The following ADAM2 variants were observed in gnomAD, a reference collection of about 807,000 sequenced individuals.
ADAM2 encodes the protein disintegrin and metalloproteinase domain-containing protein 2.
Under a neutral mutation model 99.3 loss-of-function variants are expected in ADAM2, and 101 were observed. The ratio of observed to expected loss-of-function variants is 1.02; its 90% confidence interval spans 0.87 to 1.20. ADAM2 has a LOEUF of 1.20. Among genes scored for constraint, ADAM2 ranks in the 50% most tolerant of loss-of-function variants. The pLI is 0.00. For synonymous variants in ADAM2, 323 were observed against 287.6 expected, an observed-to-expected ratio of 1.12 and a Z score of -1.25; for missense variants, 948 against 878.7, an observed-to-expected ratio of 1.08 and a Z score of -1.00.
chr8:39,750,717 C>A (rs991730475), intron 16 of ADAM2, among the ~76,000 whole-genome samples: 1 of 151,998 alleles, frequency 6.6e-6, no homozygotes, highest in African/African-American at 2.4e-5. Context: ...GTGAATGACA[C>A]CAAGGATTCT....
chr8:39,790,610 GTTA>G (rs1443323670), intron 7 of ADAM2, among the ~76,000 whole-genome samples: 6 of 152,010 alleles, frequency 3.9e-5, no homozygotes, highest in Admixed American at 2.6e-4. Context: ...TTAGATTATT[GTTA>G]TTATTGTTTG....
At chr8:39,804,214 G>A (rs998219885) in intron 7 of ADAM2, among the ~76,000 whole-genome samples, 1 of 152,168 alleles carries the variant, frequency 6.6e-6, no homozygotes, top group Non-Finnish European at 1.5e-5. Context: ...CCCTATCATT[G>A]TGTGCTTTAT....
At chr8:39,832,653 A>G (rs923558477) in intron 3 of ADAM2, among the ~76,000 whole-genome samples, 1 of 152,204 alleles carries the variant, frequency 6.6e-6, no homozygotes, top group Non-Finnish European at 1.5e-5. Context: ...TTTTTTGGCA[A>G]CTGCTCTTGA....
rs749333420 is a variant in ADAM2 at position 39,766,847 on chromosome 8, C to G, written c.1507+1G>C. 1.3e-5 allele frequency: 21 copies of G among 1,572,248 alleles called. No homozygotes were observed. The highest frequency in any genetic ancestry group is 1.8e-5 in the Non-Finnish European group (21 of 1,153,706). ...ATGAGAAATCAAATGATAATAAATA[C>G]CTTTGCCAAATGTGTCTGTACATTG... On this transcript the variant is annotated splice_donor_variant, in intron 14 of 20. Coordinates refer to ENST00000265708, the MANE Select transcript of ADAM2 (RefSeq NM_001464.5). LOFTEE classifies it high-confidence loss of function.
chr8:39,838,150 G>A lies in ADAM2; in HGVS notation c.36C>T (p.Gly12=). Residue 12 remains glycine (G), a synonymous_variant, in exon 1 of 21, where the codon GGC becomes GGT. Coordinates refer to ENST00000265708, the MANE Select transcript of ADAM2 (RefSeq NM_001464.5). The stretch of plus-strand genomic sequence containing the variant: ...GCTTACTACTGTCCATCCGCAGCCC[G>A]CCGAGCCCGCTGAGCAGAAACAAGA... The part of the protein sequence containing the change: ...WRVLFLLSGL[G]GLRMDSNFDS... The A allele has an allele frequency of 3.1e-6, 5 of 1,614,076 alleles. No individual in the cohort carries two copies. The highest frequency in any genetic ancestry group is 4.2e-6 in the Non-Finnish European group (5 of 1,180,002).
intron 11 of ADAM2, among the ~76,000 whole-genome samples, chr8:39,771,813 GA>G (rs1206263017): frequency 6.6e-6 from 1 of 151,832 alleles, no homozygotes; most frequent in Non-Finnish European, 1.5e-5. Flanking sequence ...GAACCATATA[GA>G]AAAAAACTGA....
chr8:39,793,772 A>T (rs1284509091), intron 7 of ADAM2, among the ~76,000 whole-genome samples: 1 of 152,056 alleles, frequency 6.6e-6, no homozygotes, highest in African/African-American at 2.4e-5. Context: ...ATAAAGATTG[A>T]TGGGTTTCGA....
chr8:39,804,869 G>T (rs964818760), intron 7 of ADAM2, among the ~76,000 whole-genome samples: 3 of 152,108 alleles, frequency 2.0e-5, no homozygotes, highest in African/African-American at 7.2e-5. Context: ...TAAAATACTT[G>T]CAGTATCTTA....
intron 11 of ADAM2, among the ~76,000 whole-genome samples, chr8:39,774,930 T>C (rs1802928443): frequency 6.6e-6 from 1 of 152,042 alleles, no homozygotes; most frequent in Non-Finnish European, 1.5e-5. Flanking sequence ...CTCTAAAGCA[T>C]GAACTTGATT....
chr8:39,806,139 T>C (rs565773129), intron 7 of ADAM2, among the ~76,000 whole-genome samples: 125 of 152,188 alleles, frequency 8.2e-4, no homozygotes, highest in African/African-American at 2.7e-3. Flanking sequence ...GGTAAATCCA[T>C]TGGCAAAGAG....
At chr8:39,763,747 T>A (rs1044167533) in intron 14 of ADAM2, among the ~76,000 whole-genome samples, 1 of 152,252 alleles carries the variant, frequency 6.6e-6, no homozygotes, top group African/African-American at 2.4e-5. Context: ...CCCTTTGGAC[T>A]TGCTCTCAAA....
intron 19 of ADAM2, among the ~76,000 whole-genome samples, chr8:39,745,737 T>C (rs1823414786): frequency 6.6e-6 from 1 of 152,024 alleles, no homozygotes; most frequent in Non-Finnish European, 1.5e-5. Context: ...CTTTCCTGGG[T>C]TTTCCTACTA....
chr8:39,765,370 A>C (rs531279857), intron 14 of ADAM2, among the ~76,000 whole-genome samples: 58 of 152,340 alleles, frequency 3.8e-4, no homozygotes, highest in African/African-American at 1.4e-3. Flanking sequence ...AATAAATAAA[A>C]TCTGAAATGA....
chr8:39,807,279 C>A (rs1359674418), intron 7 of ADAM2, among the ~76,000 whole-genome samples: 1 of 152,232 alleles, frequency 6.6e-6, no homozygotes, highest in African/African-American at 2.4e-5. Flanking sequence ...TATCAGGTTT[C>A]ATAGCTGGAG....
At chr8:39,764,259 A>G (rs1055440433) in intron 14 of ADAM2, among the ~76,000 whole-genome samples, 2 of 152,230 alleles carry the variant, frequency 1.3e-5, no homozygotes, top group East Asian at 3.9e-4. Flanking sequence ...AGAAAAAGAA[A>G]AAATAGTGGG....
At chr8:39,756,085 C>A (rs545050469) in intron 15 of ADAM2, among the ~76,000 whole-genome samples, 174 bp from the exon 16 acceptor site, 2 of 152,208 alleles carry the variant, frequency 1.3e-5, no homozygotes, top group South Asian at 4.2e-4. Context: ...AATAACTGAA[C>A]ATTTTAGTAA....
chr8:39,835,608 G>C (rs2129589557), intron 2 of ADAM2, among the ~76,000 whole-genome samples: 1 of 151,808 alleles, frequency 6.6e-6, no homozygotes, highest in African/African-American at 2.4e-5. Flanking sequence ...CTGTGAACCT[G>C]GGAGGCGGAG....
At chr8:39,820,493 A>G (rs1332494853) in intron 6 of ADAM2, among the ~76,000 whole-genome samples, 2 of 152,144 alleles carry the variant, frequency 1.3e-5, no homozygotes, top group African/African-American at 4.8e-5. Context: ...AGCTGGGGCT[A>G]TAAAACTCCT....
At position 39,833,932 on chromosome 8, in the gene ADAM2, A is replaced by G. The variant is rs1805715778; in HGVS notation, c.188+12T>C. On this transcript the variant is annotated intron_variant, in intron 3 of 20. Coordinates refer to ENST00000265708, the MANE Select transcript of ADAM2 (RefSeq NM_001464.5). ...AACAAAGAGAATTGATAAAATAATGATGATTACCTACTTTTGCATTAAATT... is the reference window on the plus strand; with the variant it reads ...AACAAAGAGAATTGATAAAATAATGGTGATTACCTACTTTTGCATTAAATT... 7.3e-7 allele frequency: 1 copy of G among 1,375,118 alleles called. No individual in the cohort carries two copies. Among genetic ancestry groups the G allele is most frequent in the Non-Finnish European group, 1.0e-6 (1 of 969,086 alleles). The allele number at this position is 1,375,118 out of a possible 1,614,324, so 85.2% of individuals were successfully genotyped here. A position where few individuals can be genotyped will look rare whatever the true frequency, so the allele number is the denominator to read the frequency against.
Sources: gnomAD v4.1 joint callset for allele counts (sites outside exome capture counted in the v4.1 genomes callset) on GRCh38, gnomAD v4.1.1 for gene constraint, MANE v1.5 for transcripts, NCBI Gene and HGNC (gene_info 2026-07-23, HGNC 2026-07-21) for gene names.